The following ZNF385D variants were observed in gnomAD, a reference collection of about 807,000 sequenced individuals.
The protein encoded by ZNF385D is zinc finger protein 385D.
A neutral mutation model predicts 35.8 loss-of-function variants in ZNF385D; 15 were observed. The observed-to-expected ratio is 0.42, with a 90% CI of 0.28 to 0.64. The LOEUF (loss-of-function observed/expected upper bound fraction) is 0.64, where lower values mean the gene tolerates loss of function less well. Among genes scored for constraint, ZNF385D ranks in the 30% least tolerant of loss-of-function variants. The probability of loss-of-function intolerance (pLI) is 0.23; values close to 1 mark genes in which losing one functional copy is unlikely to be tolerated. For missense variants in ZNF385D, 474 were observed against 494.6 expected (o/e 0.96, Z 0.39); for synonymous variants, 212 against 186.8 (o/e 1.13, Z -1.10).
chr3:21,546,035 C>T (rs533355772), intron 3 of ZNF385D, among the ~76,000 whole-genome samples: 66 of 152,134 alleles, frequency 4.3e-4, no homozygotes, highest in Middle Eastern at 3.4e-3. Context: ...CAAGCCAAGT[C>T]TATTTTGCAA....
At chr3:21,575,426 G>T (rs139176520) in intron 2 of ZNF385D, among the ~76,000 whole-genome samples, 10 of 152,202 alleles carry the variant, frequency 6.6e-5, no homozygotes, top group Admixed American at 2.6e-4. Context: ...CCTAAATCAG[G>T]TCAAACCCAA....
chr3:21,487,138 A>T (rs991703523), intron 4 of ZNF385D, among the ~76,000 whole-genome samples: 1 of 152,108 alleles, frequency 6.6e-6, no homozygotes, highest in Non-Finnish European at 1.5e-5. Context: ...AAGGCTTTTC[A>T]TTCCTCTACA....
At chr3:21,665,074 GA>G in intron 1 of ZNF385D, 46 bp from the exon 2 acceptor site, 1 of 1,519,126 alleles carries the variant, frequency 6.6e-7, no homozygotes, top group Admixed American at 2.3e-5. Flanking sequence ...ACCACGCATG[GA>G]AAAAAACACC....
At chr3:21,768,431 G>C (rs942011434) in intron 3 of ZNF385D, among the ~76,000 whole-genome samples, 3 of 151,912 alleles carry the variant, frequency 2.0e-5, no homozygotes, top group African/African-American at 7.3e-5. Context: ...CACACTAGCA[G>C]AATCTGTTTG....
intron 3 of ZNF385D, among the ~76,000 whole-genome samples, chr3:22,100,202 T>C (rs935797181): frequency 1.4e-5 from 2 of 143,730 alleles, no homozygotes; most frequent in African/African-American, 5.4e-5. Flanking sequence ...GGAGAGGATG[T>C]GGAGAAATAG....
intron 4 of ZNF385D, among the ~76,000 whole-genome samples, chr3:21,480,100 A>ATTT (rs369558911): frequency 0.11 from 14,379 of 133,382 alleles, 1,079 homozygotes; most frequent in East Asian, 0.16. Flanking sequence ...GAATGTAAGA[A>ATTT]TTTTTTTTTT....
At chr3:21,449,812 A>G (rs1702356869) in intron 4 of ZNF385D, among the ~76,000 whole-genome samples, 1 of 152,188 alleles carries the variant, frequency 6.6e-6, no homozygotes, top group African/African-American at 2.4e-5. Context: ...CTTCTTGCCC[A>G]GGTAAGAAGC....
intron 3 of ZNF385D, among the ~76,000 whole-genome samples, chr3:21,992,734 A>C (rs1695222596): frequency 6.6e-6 from 1 of 152,154 alleles, no homozygotes; most frequent in Non-Finnish European, 1.5e-5. Context: ...ACATAGCTTT[A>C]AAGTGTTCTA....
At position 21,465,923 on chromosome 3, in the gene ZNF385D, C is replaced by T. The variant is rs1004553519; in HGVS notation, c.440-28720G>A. 6.6e-6 allele frequency among the ~76,000 whole-genome samples: 1 copy of T among 152,122 alleles called. No homozygotes were observed. Among genetic ancestry groups the T allele is most frequent in the African/African-American group, 2.4e-5 (1 of 41,436 alleles). On this transcript the variant is annotated intron_variant, in intron 4 of 7. Coordinates refer to ENST00000281523, the MANE Select transcript of ZNF385D (RefSeq NM_024697.3). The surrounding 1 kb of genome is among the most constrained non-coding windows in gnomAD (Gnocchi z 4.2). ...GCTGCCGTGAGCACAAATAGAGATG[C>T]TCTTCTGCTGCATAAATGTGCTAGG...
chr3:21,630,751 T>A (rs1178316850), intron 2 of ZNF385D, among the ~76,000 whole-genome samples: 2 of 152,158 alleles, frequency 1.3e-5, no homozygotes, highest in East Asian at 3.9e-4. Flanking sequence ...TTTACTGTGA[T>A]CCTCACCATC....
intron 3 of ZNF385D, among the ~76,000 whole-genome samples, chr3:21,771,932 A>T (rs969415757): frequency 6.6e-5 from 10 of 151,988 alleles, no homozygotes; most frequent in Admixed American, 6.6e-4. Context: ...CCTCATACAG[A>T]TGGTCAAATT....
At chr3:21,585,576 T>C (rs1274229492) in intron 2 of ZNF385D, among the ~76,000 whole-genome samples, 1 of 152,184 alleles carries the variant, frequency 6.6e-6, no homozygotes, top group African/African-American at 2.4e-5. Context: ...TTTCTGTTAA[T>C]TACCTGGCAA....
At chr3:21,892,396 C>T (rs1213110655) in intron 3 of ZNF385D, among the ~76,000 whole-genome samples, 3 of 152,116 alleles carry the variant, frequency 2.0e-5, no homozygotes, top group Admixed American at 6.6e-5. Flanking sequence ...TCTAAGAATA[C>T]AACAATCCAG....
At chr3:22,129,209 G>A (rs1413806504) in intron 3 of ZNF385D, among the ~76,000 whole-genome samples, 1 of 152,134 alleles carries the variant, frequency 6.6e-6, no homozygotes, top group Admixed American at 6.6e-5. Flanking sequence ...TCTCTCTGCT[G>A]AGCTACCTAG....
chr3:21,902,933 G>A (rs1459575042), intron 3 of ZNF385D, among the ~76,000 whole-genome samples: 1 of 152,088 alleles, frequency 6.6e-6, no homozygotes, highest in African/African-American at 2.4e-5. Context: ...ACTTTCAGTG[G>A]TCTTTGTTCT....
At chr3:22,241,892 T>C (rs1460159532) in intron 2 of ZNF385D, among the ~76,000 whole-genome samples, 1 of 150,966 alleles carries the variant, frequency 6.6e-6, no homozygotes. Context: ...ATTTTCACAT[T>C]TCAACATAGT....
At chr3:21,832,670 G>A (rs1007098430) in intron 3 of ZNF385D, among the ~76,000 whole-genome samples, 1 of 152,160 alleles carries the variant, frequency 6.6e-6, no homozygotes, top group African/African-American at 2.4e-5. Context: ...AAAACGGGCT[G>A]AATGGTAAGG....
intron 3 of ZNF385D, among the ~76,000 whole-genome samples, chr3:22,166,187 A>G (rs182823019): frequency 7.1e-5 from 9 of 127,126 alleles, no homozygotes; most frequent in Admixed American, 6.1e-4. Flanking sequence ...GGCCTACATC[A>G]TGTTACTAAT....
At chr3:21,780,302 G>A (rs1354203343) in intron 3 of ZNF385D, among the ~76,000 whole-genome samples, 1 of 151,980 alleles carries the variant, frequency 6.6e-6, no homozygotes, top group East Asian at 1.9e-4. Context: ...CAGTGCTCAT[G>A]GCCAAAGTGA....
Sources: allele counts gnomAD v4.1 joint callset (sites outside exome capture counted in the v4.1 genomes callset), GRCh38; gene constraint gnomAD v4.1.1; non-coding constraint Gnocchi (gnomAD v3.1); transcripts MANE v1.5; gene names NCBI Gene and HGNC (gene_info 2026-07-23, HGNC 2026-07-21).